Variants in HMGB1 observed in about 807,000 individuals in gnomAD.
HMGB1 encodes the protein high mobility group protein B1.
For missense variants in HMGB1, 79 were observed against 253.5 expected, an observed-to-expected ratio of 0.31 and a Z score of 4.67; for synonymous variants, 81 against 84.0, an observed-to-expected ratio of 0.96 and a Z score of 0.19.
chr13:30,600,900 T>C (rs775513008), intron 1 of HMGB1, among the ~76,000 whole-genome samples: 20 of 152,182 alleles, frequency 1.3e-4, no homozygotes, highest in African/African-American at 2.7e-4. Context: ...AAAGGAGAGA[T>C]TGAAACTGTC....
intron 1 of HMGB1, among the ~76,000 whole-genome samples, chr13:30,495,000 G>A (rs1887579148): frequency 6.6e-6 from 1 of 152,160 alleles, no homozygotes; most frequent in Admixed American, 6.5e-5. Context: ...GTCTGTGTGA[G>A]CATTTCCTTC....
rs768766284 is a variant in HMGB1, at chr13:30,546,887, T to C, written c.-15+69784A>G. ...CCTGAAGGCTCCCCTTTCTTGAAAC[T>C]TGACTCTTAACTAACCCCCTACAAC... On this transcript the variant is annotated intron_variant, in intron 1 of 4. Transcript: ENST00000405805. 1.8e-4 allele frequency among the ~76,000 whole-genome samples: 28 copies of C among 152,392 alleles called. 1 individual carries two copies. Among genetic ancestry groups the C allele is most frequent in the Admixed American group, 9.1e-4 (14 of 15,306 alleles).
In HMGB1 at chr13:30,609,923, G is replaced by A. The variant is rs538061669; in HGVS notation, c.-15+6748C>T. Among the ~76,000 whole-genome samples, 33 of 152,170 alleles carry A rather than the reference G, an allele frequency of 2.2e-4. 1 individual carries two copies. The South Asian group carries it at 6.4e-3, about 30-fold the overall frequency. ...AAATTGCTGCAAAAGATATTATTTCGTTCCTTTGTATGGATGAATAGTATT... is the reference window on the plus strand; with the variant it reads ...AAATTGCTGCAAAAGATATTATTTCATTCCTTTGTATGGATGAATAGTATT... On this transcript the variant is annotated intron_variant, in intron 1 of 4. Coordinates refer to the HMGB1 transcript ENST00000405805.
At chr13:30,609,968 T>G (rs1026041352) in intron 1 of HMGB1, among the ~76,000 whole-genome samples, 5 of 152,198 alleles carry the variant, frequency 3.3e-5, no homozygotes, top group African/African-American at 1.2e-4. Flanking sequence ...ACATAAACAT[T>G]TTCTTTATCC....
chr13:30,604,689 GCT>G (rs1489192062), intron 1 of HMGB1, among the ~76,000 whole-genome samples: 1 of 152,162 alleles, frequency 6.6e-6, no homozygotes, highest in Non-Finnish European at 1.5e-5. Flanking sequence ...ACGGAGTCTC[GCT>G]CTGTCGCCCG....
At chr13:30,592,873 A>ATTT (rs1566034978) in intron 1 of HMGB1, among the ~76,000 whole-genome samples, 10 of 140,148 alleles carry the variant, frequency 7.1e-5, no homozygotes, top group African/African-American at 2.5e-4. Flanking sequence ...CTTTTTTTTA[A>ATTT]AAAAAAAAAA....
chr13:30,512,335 AGT>A (rs1888010562), intron 1 of HMGB1, among the ~76,000 whole-genome samples: 1 of 152,146 alleles, frequency 6.6e-6, no homozygotes, highest in Admixed American at 6.5e-5. Context: ...TTAGGGGAGG[AGT>A]GTGACTAGAA....
intron 1 of HMGB1, among the ~76,000 whole-genome samples, chr13:30,538,693 C>CTTCA (rs1868679297): frequency 8.9e-6 from 1 of 111,860 alleles, no homozygotes; most frequent in Admixed American, 9.7e-5. Context: ...TCCTTTCTTT[C>CTTCA]TTTCTTTCTT....
At position 30,474,970 on chromosome 13, in the gene HMGB1, T is replaced by G. The variant is rs1265048980; in HGVS notation, c.-14-11276A>C. ...TCTTTTCTTTTTTTGTTTTTTTTTTTTTTTTTTTTTTGAGACAGGGTCTCC... is the reference window on the plus strand; with the variant it reads ...TCTTTTCTTTTTTTGTTTTTTTTTTGTTTTTTTTTTTGAGACAGGGTCTCC... On this transcript the variant is annotated intron_variant, in intron 1 of 4. Transcript: ENST00000405805. 8.4e-5 allele frequency among the ~76,000 whole-genome samples: 11 copies of G among 131,412 alleles called. No homozygotes were observed. The East Asian group carries it at 1.3e-3, about 16-fold the overall frequency. 86.2% of individuals were successfully genotyped at this position (131,412 alleles called of 152,430 possible). A position where few individuals can be genotyped will look rare whatever the true frequency, so the allele number is the denominator to read the frequency against.
At chr13:30,535,659 G>A (rs1026804196) in intron 1 of HMGB1, among the ~76,000 whole-genome samples, 4 of 152,230 alleles carry the variant, frequency 2.6e-5, no homozygotes, top group Non-Finnish European at 4.4e-5. Context: ...GGAAGCTGAG[G>A]AGGGCAGATC....
chr13:30,462,035 A>G lies in HMGB1; in HGVS notation c.472-502T>C, dbSNP rs536109233. Among the ~76,000 whole-genome samples the G allele has an allele frequency of 2.0e-5, 3 of 152,356 alleles. No individual in the cohort carries two copies. In the East Asian group the frequency reaches 5.8e-4, roughly 29 times the overall value. On this transcript the variant is annotated intron_variant, in intron 4 of 4. Transcript: ENST00000341423. ...TAAAGCTGAAAATTAAGTATTTAAT[A>G]TTTCAATTTACTGAACTATAAGAGT... is the stretch of plus-strand genomic sequence containing the variant.
intron 1 of HMGB1, among the ~76,000 whole-genome samples, chr13:30,591,322 G>A (rs1455984643): frequency 6.6e-6 from 1 of 151,890 alleles, no homozygotes; most frequent in Non-Finnish European, 1.5e-5. Flanking sequence ...GTGAACCATC[G>A]CGCCTGGCCG....
intron 1 of HMGB1, among the ~76,000 whole-genome samples, chr13:30,489,631 G>A (rs2137439377): frequency 6.6e-6 from 1 of 152,216 alleles, no homozygotes; most frequent in Non-Finnish European, 1.5e-5. Context: ...GCCAAAGTCA[G>A]GATACGAATA....
intron 1 of HMGB1, among the ~76,000 whole-genome samples, chr13:30,566,635 C>T (rs1025979866): frequency 3.3e-5 from 5 of 152,286 alleles, no homozygotes; most frequent in South Asian, 4.1e-4. Context: ...AATGATATCT[C>T]GATCCAATTT....
intron 1 of HMGB1, among the ~76,000 whole-genome samples, chr13:30,537,897 T>C (rs1205648685): frequency 6.6e-6 from 1 of 152,014 alleles, no homozygotes; most frequent in African/African-American, 2.4e-5. Flanking sequence ...ATTAATTCTT[T>C]CGTGATTTCT....
intron 1 of HMGB1, 156 bp from the exon 2 acceptor site, chr13:30,463,850 T>G (rs1359614980): frequency 3.4e-6 from 2 of 588,272 alleles, no homozygotes; most frequent in African/African-American, 3.8e-5. Flanking sequence ...GCCGAGAGAT[T>G]AAATTCCTTG....
chr13:30,508,730 A>G (rs953313499), intron 1 of HMGB1, among the ~76,000 whole-genome samples: 1 of 151,904 alleles, frequency 6.6e-6, no homozygotes, highest in Non-Finnish European at 1.5e-5. Context: ...TTTTCTCTCA[A>G]ATTTCTCTAA....
At chr13:30,466,008 C>T (rs1379308578), upstream of HMGB1, 2 of 962,756 alleles carry the variant, frequency 2.1e-6, no homozygotes, top group African/African-American at 1.8e-5. Flanking sequence ...CGATACCTCC[C>T]ATTGTCCTGA....
At chr13:30,522,593 T>C (rs1361391364) in intron 1 of HMGB1, among the ~76,000 whole-genome samples, 2 of 152,182 alleles carry the variant, frequency 1.3e-5, no homozygotes, top group Non-Finnish European at 2.9e-5. Flanking sequence ...CTTTAGGTGA[T>C]ATGGCATGGC....
Sources: allele counts gnomAD v4.1 joint callset (sites outside exome capture counted in the v4.1 genomes callset), GRCh38; gene constraint gnomAD v4.1.1; transcripts MANE v1.5; gene names NCBI Gene and HGNC (gene_info 2026-07-23, HGNC 2026-07-21).